Variants in CFAP97D2 observed in about 807,000 individuals in gnomAD.
The protein encoded by CFAP97D2 is uncharacterized protein CFAP97D2.
chr13:114,220,027 G>A (rs2081013299), intron 4 of CFAP97D2, among the ~76,000 whole-genome samples: 1 of 152,074 alleles, frequency 6.6e-6, no homozygotes, highest in Admixed American at 6.6e-5. Flanking sequence ...CTGGCGACGA[G>A]GGAGCACGGC....
Position 114,182,550 on chromosome 13 carries a change from A to C in CFAP97D2, c.90+3130A>C, listed in dbSNP as rs533570741. ...ATCCCACGAGGCCGTATTTCAGACT[A>C]TCACATGGGGAGAAACCTTGGACAA... On this transcript the variant is annotated intron_variant, in intron 1 of 4. Coordinates refer to ENST00000646158, the Ensembl canonical transcript of CFAP97D2. 7.6e-4 allele frequency among the ~76,000 whole-genome samples: 115 copies of C among 152,184 alleles called. 2 individuals carry two copies. Among genetic ancestry groups the C allele is most frequent in the African/African-American group, 2.0e-3 (83 of 41,474 alleles).
chr13:114,179,536 A>G lies in CFAP97D2; in HGVS notation c.90+116A>G. 2.5e-6 allele frequency: 1 copy of G among 395,860 alleles called. No individual in the cohort carries two copies. Among genetic ancestry groups the G allele is most frequent in the Non-Finnish European group, 4.4e-6 (1 of 224,860 alleles). 24.5% of individuals were successfully genotyped at this position (395,860 alleles called of 1,614,324 possible). On this transcript the variant is annotated intron_variant, in intron 1 of 4. Transcript: ENST00000646158. The surrounding 1 kb of genome is among the most constrained non-coding windows in gnomAD (Gnocchi z 4.8). ...AGGTGATTTTCTTTTTGGAGACAGCATGGTTGAAATGACATTTCCTAACAA... is the reference window on the plus strand; with the variant it reads ...AGGTGATTTTCTTTTTGGAGACAGCGTGGTTGAAATGACATTTCCTAACAA...
chr13:114,213,746 A>C (rs1293224559), intron 4 of CFAP97D2, among the ~76,000 whole-genome samples: 1 of 138,836 alleles, frequency 7.2e-6, no homozygotes, highest in Non-Finnish European at 1.5e-5. Context: ...AGGACCACAG[A>C]CCCCATCCCT....
intron 3 of CFAP97D2, among the ~76,000 whole-genome samples, chr13:114,204,832 C>G (rs1216064380): frequency 6.6e-6 from 1 of 152,090 alleles, no homozygotes; most frequent in Non-Finnish European, 1.5e-5. Flanking sequence ...ATAAACTGGA[C>G]TTAATGAAAA....
At chr13:114,188,253 C>CA (rs1412727257) in intron 1 of CFAP97D2, among the ~76,000 whole-genome samples, 1 of 139,586 alleles carries the variant, frequency 7.2e-6, no homozygotes, top group African/African-American at 2.7e-5. Context: ...GCCTGGGTGA[C>CA]AGAGTGAGAC....
chr13:114,198,722 C>T (rs1168087112), intron 2 of CFAP97D2, among the ~76,000 whole-genome samples: 2 of 76,796 alleles, frequency 2.6e-5, no homozygotes, highest in East Asian at 6.0e-4. Flanking sequence ...GGTGACGGCG[C>T]GTCCCCGTGT....
intron 4 of CFAP97D2, chr13:114,215,579 A>G (rs2080989704): frequency 6.6e-6 from 1 of 152,158 alleles, no homozygotes; most frequent in East Asian, 1.9e-4. Flanking sequence ...ATAACTATGG[A>G]ATTTTTGTGT....
At chr13:114,200,856 C>G (rs1424994797) in intron 3 of CFAP97D2, among the ~76,000 whole-genome samples, 1 of 152,226 alleles carries the variant, frequency 6.6e-6, no homozygotes, top group Non-Finnish European at 1.5e-5. Context: ...GGAACACAGG[C>G]TGTACCCCAG....
At chr13:114,192,210 TA>T (rs2080872216) in intron 1 of CFAP97D2, among the ~76,000 whole-genome samples, 1 of 152,142 alleles carries the variant, frequency 6.6e-6, no homozygotes, top group African/African-American at 2.4e-5. Flanking sequence ...GAGTGAACCC[TA>T]ACGTAAACTA....
chr13:114,217,613 G>T (rs898241989), intron 4 of CFAP97D2, among the ~76,000 whole-genome samples: 1 of 152,146 alleles, frequency 6.6e-6, no homozygotes, highest in African/African-American at 2.4e-5. Flanking sequence ...GAACATCAAT[G>T]CAAAAATCCT....
At chr13:114,180,817 C>G (rs1168472667) in intron 1 of CFAP97D2, among the ~76,000 whole-genome samples, 1 of 152,202 alleles carries the variant, frequency 6.6e-6, no homozygotes, top group African/African-American at 2.4e-5. Flanking sequence ...ACTAGAATAC[C>G]TCCTGCATGA....
At chr13:114,210,657 T>C (rs375364667) in intron 3 of CFAP97D2, among the ~76,000 whole-genome samples, 100 of 152,232 alleles carry the variant, frequency 6.6e-4, no homozygotes, top group African/African-American at 2.3e-3. Flanking sequence ...TGCTGCAGAT[T>C]TGATTGCAGA....
rs187425475 is a variant in CFAP97D2, at chr13:114,183,596, T to G, written c.90+4176T>G. Reference sequence around the variant, plus strand: ...CTCTGCTTCCAAGATTGCTCCTTGTTGCTGCATCCTCATATGGTGAAAGGA... The same window carrying G: ...CTCTGCTTCCAAGATTGCTCCTTGTGGCTGCATCCTCATATGGTGAAAGGA... On this transcript the variant is annotated intron_variant, in intron 1 of 4. Transcript: ENST00000646158. 1.3e-3 allele frequency among the ~76,000 whole-genome samples: 196 copies of G among 152,286 alleles called. 1 individual carries two copies. The highest frequency in any genetic ancestry group is 4.6e-3 in the African/African-American group (190 of 41,544).
chr13:114,219,395 T>A (rs957809620), intron 4 of CFAP97D2, among the ~76,000 whole-genome samples: 1 of 152,206 alleles, frequency 6.6e-6, no homozygotes, highest in South Asian at 2.1e-4. Context: ...ACTATTGAGT[T>A]TTTCCTCAGC....
intron 1 of CFAP97D2, among the ~76,000 whole-genome samples, chr13:114,182,030 C>A (rs1163325497): frequency 1.3e-5 from 2 of 152,034 alleles, no homozygotes; most frequent in Non-Finnish European, 1.5e-5. Context: ...GCCCAGGGGA[C>A]CGGCGCTCAG....
At chr13:114,222,627 C>G, downstream of CFAP97D2, 2 of 397,512 alleles carry the variant, frequency 5.0e-6, no homozygotes, top group Non-Finnish European at 8.9e-6. This position sits in a 1 kb window ranked among gnomAD's most constrained non-coding sequence, Gnocchi z 4.4. Context: ...CAAGGAAGAC[C>G]CACAAGGCCA....
intron 4 of CFAP97D2, among the ~76,000 whole-genome samples, chr13:114,220,403 C>T (rs769626544): frequency 6.6e-6 from 1 of 152,226 alleles, no homozygotes; most frequent in Non-Finnish European, 1.5e-5. Flanking sequence ...GGAGGCTGTA[C>T]TGCTAGTCTC....
chr13:114,219,266 C>T (rs746957065), intron 4 of CFAP97D2, among the ~76,000 whole-genome samples: 3 of 152,160 alleles, frequency 2.0e-5, no homozygotes, highest in Non-Finnish European at 4.4e-5. Flanking sequence ...AACCTAGTCC[C>T]AGAGGCTTTC....
intron 3 of CFAP97D2, among the ~76,000 whole-genome samples, chr13:114,202,031 C>A (rs1213286089): frequency 6.6e-6 from 1 of 152,234 alleles, no homozygotes; most frequent in South Asian, 2.1e-4. Context: ...GGTCCCCCTA[C>A]CCACCACCCT....
Sources: gnomAD v4.1 joint callset for allele counts (sites outside exome capture counted in the v4.1 genomes callset) on GRCh38, gnomAD v4.1.1 for gene constraint, Gnocchi (gnomAD v3.1) non-coding constraint, MANE v1.5 for transcripts, NCBI Gene and HGNC (gene_info 2026-07-23, HGNC 2026-07-21) for gene names.